Variants in GIN1 observed in about 807,000 individuals in gnomAD.
GIN1 encodes gypsy retrotransposon integrase-like protein 1.
GIN1 carries 41 observed loss-of-function variants against 51.4 expected under a neutral mutation model. The ratio of observed to expected loss-of-function variants is 0.80; its 90% confidence interval spans 0.62 to 1.04. GIN1 has a LOEUF of 1.04. Ranked by LOEUF, GIN1 falls within the 50% of genes least tolerant of loss-of-function variation. The probability of loss-of-function intolerance (pLI) is 0.00; values close to 1 mark genes in which losing one functional copy is unlikely to be tolerated. For synonymous variants in GIN1, 222 were observed against 206.5 expected (o/e 1.07, Z -0.64); for missense variants, 610 against 612.4 (o/e 1.00, Z 0.04).
rs782329982 is a variant in GIN1 at position 103,106,926 on chromosome 5, C to T, written c.140-17G>A. On this transcript the variant is annotated splice_polypyrimidine_tract_variant and intron_variant, in intron 2 of 7. Transcript: ENST00000399004. ...GCTTTTTTTCTGGAATAAATGATAC[C>T]AAAAGATAGAATTGCAATTTTTAGA... 9.2e-6 allele frequency: 13 copies of T among 1,406,974 alleles called. No individual in the cohort carries two copies. Among genetic ancestry groups the T allele is most frequent in the Non-Finnish European group, 1.3e-5 (13 of 1,035,376 alleles). The allele number at this position is 1,406,974 out of a possible 1,614,324, so 87.2% of individuals were successfully genotyped here. A position where few individuals can be genotyped will look rare whatever the true frequency, so the allele number is the denominator to read the frequency against.
chr5:103,091,689 G>T (rs1787241918), intron 7 of GIN1, among the ~76,000 whole-genome samples: 1 of 151,692 alleles, frequency 6.6e-6, no homozygotes, highest in Admixed American at 6.6e-5. Flanking sequence ...TTTTTTTAAA[G>T]AGATGGGGTC....
At chr5:103,090,396 C>T (rs567283081) in intron 7 of GIN1, among the ~76,000 whole-genome samples, 1 of 152,272 alleles carries the variant, frequency 6.6e-6, no homozygotes, top group South Asian at 2.1e-4. Context: ...GAATGTGTTG[C>T]TAGAGGTTTA....
chr5:103,095,465 G>C (rs782189126), intron 7 of GIN1, among the ~76,000 whole-genome samples: 1 of 151,950 alleles, frequency 6.6e-6, no homozygotes, highest in Non-Finnish European at 1.5e-5. Context: ...CCCACACCTG[G>C]CCCCCAACCA....
Position 103,111,930 on chromosome 5 carries a change from T to C in GIN1, c.-7-3216A>G, listed in dbSNP as rs1341134015. On this transcript the variant is annotated intron_variant, in intron 1 of 7. Coordinates refer to ENST00000399004, the MANE Select transcript of GIN1 (RefSeq NM_017676.2). Reference sequence around the variant, plus strand: ...AGGACACTGTTGGTTTTCCTATTTATAATAAATATACAAAAACTTCTCAGA... The same window carrying C: ...AGGACACTGTTGGTTTTCCTATTTACAATAAATATACAAAAACTTCTCAGA... 3.3e-5 allele frequency among the ~76,000 whole-genome samples: 5 copies of C among 152,184 alleles called. No homozygotes were observed. The East Asian group carries it at 9.6e-4, about 29-fold the overall frequency.
chr5:103,113,729 C>T (rs782496968), intron 1 of GIN1, among the ~76,000 whole-genome samples: 3 of 152,026 alleles, frequency 2.0e-5, no homozygotes, highest in Non-Finnish European at 4.4e-5. Flanking sequence ...ACGATGTTGG[C>T]CAGGCTGGTC....
chr5:103,099,176 T>C (rs1486104906), intron 4 of GIN1, among the ~76,000 whole-genome samples: 1 of 152,036 alleles, frequency 6.6e-6, no homozygotes, highest in Non-Finnish European at 1.5e-5. Context: ...GTAGGGGTGG[T>C]CATGTGACAT....
At chr5:103,107,671 T>C (rs1419336711) in intron 2 of GIN1, among the ~76,000 whole-genome samples, 4 of 152,140 alleles carry the variant, frequency 2.6e-5, no homozygotes, top group Non-Finnish European at 5.9e-5. Flanking sequence ...TATTCATCAA[T>C]GTATCTCCAA....
Position 103,097,744 on chromosome 5 carries a change from T to C in GIN1, c.677A>G (p.Gln226Arg), listed in dbSNP as rs782002256. The C allele has an allele frequency of 1.5e-5, 24 of 1,579,062 alleles. No individual in the cohort carries two copies. The Admixed American group carries it at 4.0e-4, about 26-fold the overall frequency. Residue 226 changes from glutamine (Q) to arginine (R), a missense_variant, in exon 5 of 8, where the codon CAA (glutamine) becomes CGA (arginine). By Grantham distance (43) the Gln-to-Arg change is conservative. Coordinates refer to ENST00000399004, the MANE Select transcript of GIN1 (RefSeq NM_017676.2). ...TCCAGAGGTGTGAGAAATTACAATTTGCTTTATGCCAAACAATCTGTACAG... is the reference window on the plus strand; with the variant it reads ...TCCAGAGGTGTGAGAAATTACAATTCGCTTTATGCCAAACAATCTGTACAG... ...IELYRLFGIKQIVISHTSGTV... is the reference protein window; with the variant it reads ...IELYRLFGIKRIVISHTSGTV...
intron 1 of GIN1, among the ~76,000 whole-genome samples, chr5:103,113,046 T>C (rs960049021): frequency 2.0e-5 from 3 of 152,114 alleles, no homozygotes; most frequent in Admixed American, 6.6e-5. Flanking sequence ...GCACTGATTG[T>C]AGATGAGGTA....
chr5:103,097,213 G>A, intron 6 of GIN1, 101 bp downstream of exon 6: 1 of 594,014 alleles, frequency 1.7e-6, no homozygotes, highest in Non-Finnish European at 2.9e-6. Context: ...AAGTAAGTAT[G>A]TGTGTGTGTG....
Position 103,086,613 on chromosome 5 carries a change from C to T in GIN1, c.*1285G>A, listed in dbSNP as rs190918879. On this transcript the variant is annotated 3_prime_UTR_variant, in exon 8 of 8. Transcript: ENST00000399004. ...ATCCTATACATTCTTCAAGGTCAAG[C>T]TTAAATGATCCTTCTTCCATAAGGA... 352 of 152,300 alleles carry T rather than the reference C, an allele frequency of 2.3e-3. 2 individuals are homozygous for T. Among genetic ancestry groups the T allele is most frequent in the African/African-American group, 8.3e-3 (345 of 41,566 alleles). 9.4% of individuals were successfully genotyped at this position (152,300 alleles called of 1,614,324 possible).
At chr5:103,093,848 G>C (rs1428072524) in intron 7 of GIN1, among the ~76,000 whole-genome samples, 1 of 151,938 alleles carries the variant, frequency 6.6e-6, no homozygotes, top group African/African-American at 2.4e-5. Flanking sequence ...CAATGAACTA[G>C]ACAAAAAAAC....
intron 1 of GIN1, among the ~76,000 whole-genome samples, chr5:103,112,002 CT>C (rs1444047648): frequency 6.6e-6 from 1 of 152,152 alleles, no homozygotes; most frequent in African/African-American, 2.4e-5. Flanking sequence ...AAATCTTTAA[CT>C]TTTGAATAAT....
At chr5:103,118,760 T>C (rs1324236534) in intron 1 of GIN1, among the ~76,000 whole-genome samples, 1 of 151,904 alleles carries the variant, frequency 6.6e-6, no homozygotes, top group African/African-American at 2.4e-5. Flanking sequence ...TTTTTTTTTT[T>C]TCAAAGCCCA....
chr5:103,118,749 G>GT (rs10555111), intron 1 of GIN1, among the ~76,000 whole-genome samples: 7,218 of 86,836 alleles, frequency 0.083, 441 homozygotes, highest in African/African-American at 0.19. Flanking sequence ...AATGAAAGTT[G>GT]TTTTTTTTTT....
intron 1 of GIN1, among the ~76,000 whole-genome samples, chr5:103,116,261 C>G (rs906284169): frequency 6.6e-6 from 1 of 152,054 alleles, no homozygotes; most frequent in Non-Finnish European, 1.5e-5. Flanking sequence ...GTAATCAAGA[C>G]TGTGTTATAA....
At chr5:103,118,254 C>CTTAA (rs559253801) in intron 1 of GIN1, among the ~76,000 whole-genome samples, 40 of 152,216 alleles carry the variant, frequency 2.6e-4, no homozygotes, top group Non-Finnish European at 4.1e-4. Flanking sequence ...AAGGTATAGA[C>CTTAA]TTAAGCCTTA....
intron 7 of GIN1, among the ~76,000 whole-genome samples, chr5:103,088,760 C>T (rs1787150910): frequency 6.6e-6 from 1 of 152,022 alleles, no homozygotes; most frequent in Admixed American, 6.6e-5. Context: ...CACCACTGCA[C>T]TCCAGCATGG....
chr5:103,096,562 T>C lies in GIN1; in HGVS notation c.1273A>G (p.Ile425Val), dbSNP rs1427032156. The C allele has an allele frequency of 5.0e-6, 8 of 1,612,328 alleles. No individual in the cohort carries two copies. The highest frequency in any genetic ancestry group is 1.6e-4 in the Middle Eastern group (1 of 6,070). Residue 425 changes from isoleucine to valine, a missense_variant, in exon 7 of 8, where the codon ATA becomes GTA. By Grantham distance (29) the Ile-to-Val change is conservative. Transcript: ENST00000399004. The part of the protein sequence containing the change: ...PIKMSHLKPY[I>V]RESSEQESLY... ...TTACCTTGTTCACTGGATTCTCTTA[T>C]GTAGGGCTTAAGGTGGGACATTTTG...
Sources: allele counts gnomAD v4.1 joint callset (sites outside exome capture counted in the v4.1 genomes callset), GRCh38; gene constraint gnomAD v4.1.1; transcripts MANE v1.5; gene names NCBI Gene and HGNC (gene_info 2026-07-23, HGNC 2026-07-21).